XRCC2: variants seen among roughly 807,000 people sequenced by gnomAD.
The protein encoded by XRCC2 is X-ray repair cross complementing 2.
XRCC2 carries 24 observed loss-of-function variants against 27.3 expected under a neutral mutation model. That is an observed-to-expected ratio of 0.88 (90% CI 0.64 to 1.24). The LOEUF is 1.24. XRCC2 is among the 50% of genes most tolerant of loss of function. The pLI, the probability that XRCC2 is intolerant of heterozygous loss-of-function variation, is 0.00. For missense variants in XRCC2, 321 were observed against 325.8 expected, an observed-to-expected ratio of 0.99 and a Z score of 0.11; for synonymous variants, 106 against 115.4, an observed-to-expected ratio of 0.92 and a Z score of 0.52.
chr7:152,675,981 C>G, intron 1 of XRCC2, 60 bp downstream of exon 1: 2 of 1,608,968 alleles, frequency 1.2e-6, no homozygotes, highest in Non-Finnish European at 1.7e-6. Flanking sequence ...TCCCTCGGCT[C>G]CCCTCGCCCA....
rs151110146 is a variant in XRCC2, at chr7:152,649,295, G to A, written c.190C>T (p.Arg64Ter). The part of the protein sequence containing the change: ...KTEMLYHLTA[R>*]CILPKSEGGL... Reference sequence around the variant, plus strand: ...CCTTCTGATTTGGGAAGTATACATCGTGCTGTTAGGTGATAAAGCATTTCT... The same window carrying A: ...CCTTCTGATTTGGGAAGTATACATCATGCTGTTAGGTGATAAAGCATTTCT... Residue 64 changes from arginine (R) to a stop codon, truncating the protein, a stop_gained, in exon 3 of 3, where the codon CGA (arginine) becomes TGA (stop). Coordinates refer to ENST00000359321, the MANE Select transcript of XRCC2 (RefSeq NM_005431.2). LOFTEE classifies it high-confidence loss of function. The A allele has an allele frequency of 1.7e-5, 28 of 1,612,738 alleles. No homozygotes were observed. The highest frequency in any genetic ancestry group is 1.9e-5 in the Non-Finnish European group (23 of 1,179,904).
At chr7:152,662,565 ATTTTTTTT>A (rs11323323) in intron 1 of XRCC2, among the ~76,000 whole-genome samples, 5 of 67,770 alleles carry the variant, frequency 7.4e-5, no homozygotes, top group Non-Finnish European at 1.1e-4. Flanking sequence ...TTTTATTTGC[ATTTTTTTT>A]TTTTTTTTTT....
At chr7:152,669,598 T>G (rs898328958) in intron 1 of XRCC2, among the ~76,000 whole-genome samples, 1 of 151,836 alleles carries the variant, frequency 6.6e-6, no homozygotes, top group African/African-American at 2.4e-5. Context: ...AGACGGAGTT[T>G]CACCATGTTG....
In XRCC2 at chr7:152,650,900, A is replaced by G. The variant is rs188703728; in HGVS notation, c.122-1537T>C. On this transcript the variant is annotated intron_variant, in intron 2 of 2. Coordinates refer to ENST00000359321, the MANE Select transcript of XRCC2 (RefSeq NM_005431.2). ...AAACTCCGTCTCAAAAAACAAAAAC[A>G]AAAACACAAAAAAATGCAATTACTT... is the stretch of plus-strand genomic sequence containing the variant. 6.5e-4 allele frequency among the ~76,000 whole-genome samples: 99 copies of G among 152,276 alleles called. 1 individual carries two copies. Among genetic ancestry groups the G allele is most frequent in the Middle Eastern group, 3.4e-3 (1 of 294 alleles).
At chr7:152,650,015 C>T (rs947068300) in intron 2 of XRCC2, among the ~76,000 whole-genome samples, 2 of 152,216 alleles carry the variant, frequency 1.3e-5, no homozygotes, top group African/African-American at 2.4e-5. Context: ...CCACCAGCCA[C>T]GCACAGCCTG....
chr7:152,656,783 G>T (rs1052114553), intron 2 of XRCC2, among the ~76,000 whole-genome samples: 27 of 152,084 alleles, frequency 1.8e-4, no homozygotes, highest in African/African-American at 6.5e-4. Context: ...TTACATATTT[G>T]ATCAAAATTT....
chr7:152,653,614 C>T (rs945214277), intron 2 of XRCC2, among the ~76,000 whole-genome samples: 3 of 109,040 alleles, frequency 2.8e-5, no homozygotes, highest in Non-Finnish European at 3.8e-5. Flanking sequence ...TGTGTGCCAC[C>T]ACACCTGGGT....
intron 1 of XRCC2, among the ~76,000 whole-genome samples, chr7:152,665,647 T>A (rs2098035307): frequency 6.6e-6 from 1 of 151,794 alleles, no homozygotes; most frequent in South Asian, 2.1e-4. Context: ...GTCCAGCTAA[T>A]TTTTTTTGTT....
chr7:152,667,420 A>AG (rs1196913251), intron 1 of XRCC2, among the ~76,000 whole-genome samples: 4 of 74,714 alleles, frequency 5.4e-5, no homozygotes, highest in South Asian at 5.1e-4. Flanking sequence ...AAAAAAAAAA[A>AG]AAAAAAGAAA....
chr7:152,655,966 G>A (rs1256689962), intron 2 of XRCC2, among the ~76,000 whole-genome samples: 4 of 152,124 alleles, frequency 2.6e-5, no homozygotes, highest in Non-Finnish European at 4.4e-5. Context: ...GACAGAGTGA[G>A]ACTCTGTGTC....
At chr7:152,661,457 G>A (rs2098033042) in intron 1 of XRCC2, among the ~76,000 whole-genome samples, 1 of 152,186 alleles carries the variant, frequency 6.6e-6, no homozygotes, top group Non-Finnish European at 1.5e-5. Context: ...ACTGGGGAAG[G>A]GGACAAAGGA....
At chr7:152,653,737 T>C (rs1346819235) in intron 2 of XRCC2, among the ~76,000 whole-genome samples, 1 of 152,106 alleles carries the variant, frequency 6.6e-6, no homozygotes, top group Non-Finnish European at 1.5e-5. Flanking sequence ...GCTAGACTTA[T>C]AGGCATGCAC....
intron 1 of XRCC2, among the ~76,000 whole-genome samples, chr7:152,675,724 C>T (rs1379681789): frequency 1.3e-5 from 2 of 152,170 alleles, no homozygotes; most frequent in African/African-American, 4.8e-5. Flanking sequence ...GTTTTTAGAC[C>T]ATAACTCTTG....
intron 1 of XRCC2, among the ~76,000 whole-genome samples, chr7:152,670,022 G>C (rs1418869355): frequency 6.6e-6 from 1 of 152,034 alleles, no homozygotes; most frequent in Non-Finnish European, 1.5e-5. Flanking sequence ...AAGAGAGTTG[G>C]CCAATTCTAA....
At chr7:152,650,046 T>G (rs1301916873) in intron 2 of XRCC2, among the ~76,000 whole-genome samples, 1 of 152,146 alleles carries the variant, frequency 6.6e-6, no homozygotes, top group Non-Finnish European at 1.5e-5. Flanking sequence ...ACTCAGGATG[T>G]GAGGAAAACA....
At chr7:152,655,885 G>C (rs910808986) in intron 2 of XRCC2, among the ~76,000 whole-genome samples, 22 of 152,114 alleles carry the variant, frequency 1.4e-4, no homozygotes, top group Non-Finnish European at 2.9e-4. Flanking sequence ...GGTAGCATCT[G>C]CCTGTAATTC....
At chr7:152,667,396 A>ACTCCGT (rs2098036270) in intron 1 of XRCC2, among the ~76,000 whole-genome samples, 1 of 97,042 alleles carries the variant, frequency 1.0e-5, no homozygotes, top group East Asian at 2.8e-4. Flanking sequence ...CAAGAGCAAA[A>ACTCCGT]CTCCGTCTCA....
intron 1 of XRCC2, among the ~76,000 whole-genome samples, chr7:152,675,300 C>T (rs548833404): frequency 6.6e-6 from 1 of 152,274 alleles, no homozygotes; most frequent in Non-Finnish European, 1.5e-5. Flanking sequence ...TCTCCTCCTG[C>T]ATCTTCCATG....
rs1345910803 is a variant in XRCC2, at chr7:152,645,256, A to G, written c.*3386T>C. ...ATGATTAAATATTATATATATTTAAAATTCCATTTTCTTTTTTAAAATTTA... is the reference window on the plus strand; with the variant it reads ...ATGATTAAATATTATATATATTTAAGATTCCATTTTCTTTTTTAAAATTTA... On this transcript the variant is annotated 3_prime_UTR_variant, in exon 3 of 3. Coordinates refer to ENST00000359321, the MANE Select transcript of XRCC2 (RefSeq NM_005431.2). 1 of 151,702 alleles carries G rather than the reference A, an allele frequency of 6.6e-6. No individual in the cohort carries two copies. The allele number at this position is 151,702 out of a possible 1,614,324, so 9.4% of individuals were successfully genotyped here.
Sources: allele counts gnomAD v4.1 joint callset (sites outside exome capture counted in the v4.1 genomes callset), GRCh38; gene constraint gnomAD v4.1.1; transcripts MANE v1.5; gene names NCBI Gene and HGNC (gene_info 2026-07-23, HGNC 2026-07-21).